Variants in SEMA3A observed in about 807,000 individuals in gnomAD.
SEMA3A encodes the protein semaphorin 3A, also known as semaphorin-3A.
SEMA3A carries 29 observed loss-of-function variants against 97.9 expected under a neutral mutation model. That is an observed-to-expected ratio of 0.30 (90% CI 0.22 to 0.40). The LOEUF (loss-of-function observed/expected upper bound fraction) is 0.40, where lower values mean the gene tolerates loss of function less well. SEMA3A is among the 10% of genes least tolerant of loss of function. The pLI, the probability that SEMA3A is intolerant of heterozygous loss-of-function variation, is 1.00. For synonymous variants in SEMA3A, 321 were observed against 323.7 expected (o/e 0.99, Z 0.09); for missense variants, 763 against 951.3 (o/e 0.80, Z 2.60).
chr7:84,273,616 C>T (rs915255579), intron 3 of SEMA3A, among the ~76,000 whole-genome samples: 5 of 152,070 alleles, frequency 3.3e-5, no homozygotes, highest in Non-Finnish European at 7.4e-5. Flanking sequence ...CCCAAACCAT[C>T]GTTATATGAA....
chr7:84,150,498 G>A (rs772738204), intron 1 of SEMA3A, among the ~76,000 whole-genome samples: 6 of 152,162 alleles, frequency 3.9e-5, no homozygotes, highest in African/African-American at 7.2e-5. Context: ...CTGGAGAATC[G>A]GGTCACTCCC....
At chr7:84,314,521 T>C (rs991473045) in intron 2 of SEMA3A, among the ~76,000 whole-genome samples, 1 of 152,088 alleles carries the variant, frequency 6.6e-6, no homozygotes, top group African/African-American at 2.4e-5. Context: ...CAGATTGGGG[T>C]TGGTTCTTCA....
At chr7:84,020,428 ATT>A (rs199659977) in intron 6 of SEMA3A, among the ~76,000 whole-genome samples, 5 of 142,364 alleles carry the variant, frequency 3.5e-5, no homozygotes, top group South Asian at 2.2e-4. Context: ...CAACTTTCCT[ATT>A]TTTTTTTTTT....
At chr7:84,152,458 C>T (rs372178212) in intron 1 of SEMA3A, among the ~76,000 whole-genome samples, 97 of 138,802 alleles carry the variant, frequency 7.0e-4, no homozygotes, top group East Asian at 2.9e-3. Context: ...AACCAAACAC[C>T]GCGTATTCTC....
intron 1 of SEMA3A, among the ~76,000 whole-genome samples, chr7:84,458,290 A>C (rs544830797): frequency 6.6e-6 from 1 of 152,142 alleles, no homozygotes; most frequent in South Asian, 2.1e-4. Context: ...CTGTTAATTT[A>C]ACATGTACAC....
Position 83,957,055 on chromosome 7 carries a change from G to T in SEMA3A, c.*4316C>A, listed in dbSNP as rs1330457748. 1 of 152,184 alleles carries T rather than the reference G, an allele frequency of 6.6e-6. No individual in the cohort carries two copies. The highest frequency in any genetic ancestry group is 2.4e-5 in the African/African-American group (1 of 41,426). The allele number at this position is 152,184 out of a possible 1,614,324, so 9.4% of individuals were successfully genotyped here. A position where few individuals can be genotyped will look rare whatever the true frequency, so the allele number is the denominator to read the frequency against. Reference sequence around the variant, plus strand: ...CATCATGCTAGACACTGGGGACAGAGATCAATTAGATACAAATCCTGCCCT... The same window carrying T: ...CATCATGCTAGACACTGGGGACAGATATCAATTAGATACAAATCCTGCCCT... On this transcript the variant is annotated 3_prime_UTR_variant, in exon 17 of 17. Coordinates refer to ENST00000265362, the MANE Select transcript of SEMA3A (RefSeq NM_006080.3).
At chr7:84,387,686 A>T (rs1167540467) in intron 1 of SEMA3A, among the ~76,000 whole-genome samples, 2 of 152,212 alleles carry the variant, frequency 1.3e-5, no homozygotes, top group African/African-American at 4.8e-5. Context: ...TTTGAATCTG[A>T]TCCATAGTCT....
chr7:84,073,767 G>C (rs980764310), intron 4 of SEMA3A, among the ~76,000 whole-genome samples: 6 of 151,152 alleles, frequency 4.0e-5, no homozygotes, highest in Non-Finnish European at 7.4e-5. Flanking sequence ...GCTGCAACTT[G>C]GTCAAGTCAC....
At chr7:84,136,126 C>T (rs181541004) in intron 1 of SEMA3A, among the ~76,000 whole-genome samples, 99 of 152,188 alleles carry the variant, frequency 6.5e-4, no homozygotes, top group African/African-American at 2.1e-3. Flanking sequence ...ACTGTATGTC[C>T]TGAATCAGTG....
chr7:84,186,502 G>C (rs12707627), intron 1 of SEMA3A, among the ~76,000 whole-genome samples: 9,569 of 152,160 alleles, frequency 0.063, 351 homozygotes, highest in African/African-American at 0.092. Flanking sequence ...AAGGTTAAAA[G>C]AAAACAAAAT....
At position 84,060,574 on chromosome 7, in the gene SEMA3A, A is replaced by T. The variant is rs1317664896; in HGVS notation, c.454-16T>A. 1 of 1,524,726 alleles carries T rather than the reference A, an allele frequency of 6.6e-7. No homozygotes were observed. The highest frequency in any genetic ancestry group is 1.4e-5 in the African/African-American group (1 of 70,638). 94.4% of individuals were successfully genotyped at this position (1,524,726 alleles called of 1,614,324 possible). A position where few individuals can be genotyped will look rare whatever the true frequency, so the allele number is the denominator to read the frequency against. ...AAATATTGTCCTGTGGATTTAAAAAAGAAAGAGAAAAGGGTTTCCTTTATA... is the reference window on the plus strand; with the variant it reads ...AAATATTGTCCTGTGGATTTAAAAATGAAAGAGAAAAGGGTTTCCTTTATA... On this transcript the variant is annotated splice_polypyrimidine_tract_variant and intron_variant, in intron 4 of 16. Transcript: ENST00000265362.
chr7:83,989,308 G>A (rs1789784696), intron 12 of SEMA3A, among the ~76,000 whole-genome samples: 1 of 151,980 alleles, frequency 6.6e-6, no homozygotes, highest in African/African-American at 2.4e-5. Flanking sequence ...AAATCTATAA[G>A]GTAGATAAAA....
At chr7:84,378,202 A>T (rs945705043) in intron 1 of SEMA3A, among the ~76,000 whole-genome samples, 2 of 152,106 alleles carry the variant, frequency 1.3e-5, no homozygotes, top group African/African-American at 4.8e-5. Context: ...GATCAATATA[A>T]TTATATTAAT....
At chr7:84,131,771 ATTAT>A (rs139368318) in intron 2 of SEMA3A, among the ~76,000 whole-genome samples, 69,558 of 148,640 alleles carry the variant, frequency 0.47, 17,364 homozygotes, top group East Asian at 0.67. Flanking sequence ...GTATAAACAA[ATTAT>A]TTATTTATTT....
intron 3 of SEMA3A, among the ~76,000 whole-genome samples, chr7:84,258,361 T>C (rs1255932973): frequency 6.6e-6 from 1 of 152,184 alleles, no homozygotes; most frequent in Non-Finnish European, 1.5e-5. Flanking sequence ...ATGTTTAGTA[T>C]TGTAATGTTT....
intron 6 of SEMA3A, among the ~76,000 whole-genome samples, chr7:84,026,472 C>A (rs1405518753): frequency 4.6e-5 from 7 of 152,136 alleles, no homozygotes; most frequent in Admixed American, 4.6e-4. Context: ...AACTACCATG[C>A]AACCCAGTGA....
Position 83,960,753 on chromosome 7 carries a change from T to A in SEMA3A, c.*618A>T, listed in dbSNP as rs1005181283. On this transcript the variant is annotated 3_prime_UTR_variant, in exon 17 of 17. Transcript: ENST00000265362. ...AGTTTTAATAAAATACATCTTTAGA[T>A]CAAAGCTGAAAGAAGACATCAGTAG... 1 of 152,574 alleles carries A rather than the reference T, an allele frequency of 6.6e-6. No individual in the cohort carries two copies. The highest frequency in any genetic ancestry group is 1.5e-5 in the Non-Finnish European group (1 of 68,092). The allele number at this position is 152,574 out of a possible 1,614,324, so 9.5% of individuals were successfully genotyped here.
chr7:84,424,729 T>G (rs190445625), intron 1 of SEMA3A, among the ~76,000 whole-genome samples: 12,026 of 98,732 alleles, frequency 0.12, 1,851 homozygotes, highest in African/African-American at 0.36. Flanking sequence ...ATTATTTATA[T>G]ATTATATATT....
intron 1 of SEMA3A, among the ~76,000 whole-genome samples, chr7:84,404,238 G>A (rs34005268): frequency 0.05 from 7,553 of 152,184 alleles, 247 homozygotes; most frequent in East Asian, 0.16. Context: ...CGAGAACTAC[G>A]TAATGAATGC....
Sources: allele counts gnomAD v4.1 joint callset (sites outside exome capture counted in the v4.1 genomes callset), GRCh38; gene constraint gnomAD v4.1.1; transcripts MANE v1.5; gene names NCBI Gene and HGNC (gene_info 2026-07-23, HGNC 2026-07-21).